GINS3: variants seen among roughly 807,000 people sequenced by gnomAD.
GINS3 encodes the protein GINS complex subunit 3.
GINS3 carries 18 observed loss-of-function variants against 20.0 expected under a neutral mutation model. The observed-to-expected ratio is 0.90, with a 90% CI of 0.62 to 1.33. The LOEUF is 1.33. Among genes scored for constraint, GINS3 ranks in the 40% most tolerant of loss-of-function variants. The probability of loss-of-function intolerance (pLI) is 0.00; values close to 1 mark genes in which losing one functional copy is unlikely to be tolerated. For missense variants in GINS3, 254 were observed against 273.6 expected (o/e 0.93, Z 0.51); for synonymous variants, 109 against 107.0 (o/e 1.02, Z -0.12).
intron 1 of GINS3, among the ~76,000 whole-genome samples, chr16:58,393,952 G>T (rs1402702285): frequency 6.6e-6 from 1 of 151,686 alleles, no homozygotes; most frequent in Admixed American, 6.6e-5. Context: ...TTTTTTAGTG[G>T]TGTCTTCAAG....
chr16:58,401,117 TTGGTCTCGC>T (rs905933310), intron 1 of GINS3, among the ~76,000 whole-genome samples: 17 of 152,114 alleles, frequency 1.1e-4, no homozygotes, highest in African/African-American at 3.9e-4. Context: ...AGGTGGGTTC[TTGGTCTCGC>T]TGGTCTCGCT....
intron 1 of GINS3, among the ~76,000 whole-genome samples, chr16:58,396,359 C>A (rs1256063281): frequency 7.8e-6 from 1 of 128,342 alleles, no homozygotes; most frequent in African/African-American, 3.2e-5. Flanking sequence ...CGCCCCTCAC[C>A]TCCCGGATGG....
At chr16:58,395,747 A>G (rs76608343) in intron 1 of GINS3, among the ~76,000 whole-genome samples, 128,049 of 152,086 alleles carry the variant, frequency 0.84, 54,249 homozygotes, top group Non-Finnish European at 0.9. Flanking sequence ...ACACAGACAC[A>G]GCAACCATCC....
At position 58,404,667 on chromosome 16, in the gene GINS3, A is replaced by C. The variant is rs1375648217; in HGVS notation, c.589A>C (p.Ile197Leu). The change falls in exon 3 of 3, where the codon ATC (isoleucine) becomes CTC (leucine). Residue 197 changes from isoleucine to leucine, a missense_variant. Physicochemically the swap from Ile to Leu is conservative, Grantham distance 5. Transcript: ENST00000318129. ...TTGGGAGAAGGGGCAGGCTTCTCAG[A>C]TCACAGCTTCCAACCTCGTTCAGAA... ...QCWEKGQASQ[I>L]TASNLVQNYK... 6.2e-7 allele frequency: 1 copy of C among 1,614,076 alleles called. No individual in the cohort carries two copies. Among genetic ancestry groups the C allele is most frequent in the Admixed American group, 1.7e-5 (1 of 59,996 alleles).
chr16:58,396,888 G>A (rs1441376536), intron 1 of GINS3, among the ~76,000 whole-genome samples: 2 of 147,534 alleles, frequency 1.4e-5, no homozygotes, highest in Non-Finnish European at 3.0e-5. Flanking sequence ...CCGGGCGGGG[G>A]GCTGACCCCC....
intron 1 of GINS3, among the ~76,000 whole-genome samples, chr16:58,395,946 T>C (rs1284460965): frequency 6.7e-6 from 1 of 149,214 alleles, no homozygotes; most frequent in African/African-American, 2.5e-5. Context: ...ACGGGGCGGC[T>C]GGCTGGGCGG....
chr16:58,396,362 C>T (rs2151492173), intron 1 of GINS3, among the ~76,000 whole-genome samples: 1 of 129,126 alleles, frequency 7.7e-6, no homozygotes, highest in East Asian at 2.5e-4. Flanking sequence ...CCCTCACCTC[C>T]CGGATGGGGC....
chr16:58,396,542 C>T (rs1215451077), intron 1 of GINS3, among the ~76,000 whole-genome samples: 1 of 19,958 alleles, frequency 5.0e-5, no homozygotes, highest in Non-Finnish European at 9.5e-5. Context: ...CCCTCCCGGA[C>T]GGGGCGGCTG....
chr16:58,395,540 G>T (rs1471124820), intron 1 of GINS3, among the ~76,000 whole-genome samples: 1 of 151,796 alleles, frequency 6.6e-6, no homozygotes, highest in Admixed American at 6.6e-5. Flanking sequence ...CTCTTAACGA[G>T]CATGCTGCCT....
At chr16:58,394,128 A>G (rs1345297284) in intron 1 of GINS3, among the ~76,000 whole-genome samples, 1 of 151,902 alleles carries the variant, frequency 6.6e-6, no homozygotes. Context: ...ATATTTCCTT[A>G]GTTTTTAGTT....
intron 1 of GINS3, among the ~76,000 whole-genome samples, chr16:58,396,105 C>G (rs1341668804): frequency 7.0e-6 from 1 of 142,680 alleles, no homozygotes; most frequent in East Asian, 2.2e-4. Flanking sequence ...CCCCACCTCC[C>G]TCCCGGACGG....
intron 1 of GINS3, among the ~76,000 whole-genome samples, chr16:58,396,916 G>A (rs1357082403): frequency 7.6e-5 from 11 of 145,664 alleles, no homozygotes; most frequent in East Asian, 6.3e-4. Flanking sequence ...CTTCCCGGAC[G>A]GGGCGGCTGG....
chr16:58,396,032 C>T (rs1388168339), intron 1 of GINS3, among the ~76,000 whole-genome samples: 6 of 146,840 alleles, frequency 4.1e-5, no homozygotes, highest in African/African-American at 1.0e-4. Context: ...CCAGTAGGGG[C>T]GGCCGGGCAG....
intron 1 of GINS3, among the ~76,000 whole-genome samples, chr16:58,401,030 G>A (rs566937549): frequency 3.3e-4 from 50 of 151,980 alleles, no homozygotes; most frequent in African/African-American, 9.2e-4. Flanking sequence ...GGTCAGGCCC[G>A]TCTCGAACCC....
intron 1 of GINS3, among the ~76,000 whole-genome samples, chr16:58,394,141 T>C (rs1386400844): frequency 6.6e-6 from 1 of 152,194 alleles, no homozygotes; most frequent in Non-Finnish European, 1.5e-5. Flanking sequence ...TTTTAGTTAA[T>C]GCCCTTTTTC....
At position 58,404,773 on chromosome 16, in the gene GINS3, C is replaced by A. The variant is rs185161702; in HGVS notation, c.*44C>A. On this transcript the variant is annotated 3_prime_UTR_variant, in exon 3 of 3. Coordinates refer to ENST00000318129, the MANE Select transcript of GINS3 (RefSeq NM_022770.4). Reference sequence around the variant, plus strand: ...ATGGCTCCTCACAGACGTATCCCTCCGTGTGTCCTTGATAGGAGCTGGTTG... The same window carrying A: ...ATGGCTCCTCACAGACGTATCCCTCAGTGTGTCCTTGATAGGAGCTGGTTG... 7.2e-7 allele frequency: 1 copy of A among 1,396,266 alleles called. No homozygotes were observed. The highest frequency in any genetic ancestry group is 1.8e-5 in the Admixed American group (1 of 54,978). The allele number at this position is 1,396,266 out of a possible 1,614,324, so 86.5% of individuals were successfully genotyped here.
At chr16:58,397,633 C>G (rs890235002) in intron 1 of GINS3, among the ~76,000 whole-genome samples, 2 of 152,110 alleles carry the variant, frequency 1.3e-5, no homozygotes, top group East Asian at 3.9e-4. Flanking sequence ...AGCGAAACCC[C>G]GTCTCCACCA....
intron 1 of GINS3, among the ~76,000 whole-genome samples, chr16:58,402,555 A>G (rs1284692012): frequency 4.6e-5 from 7 of 152,146 alleles, no homozygotes; most frequent in Non-Finnish European, 7.3e-5. Flanking sequence ...CTGGTCTGTC[A>G]TGACCACCTC....
At position 58,403,219 on chromosome 16, in the gene GINS3, A is replaced by T. The variant is rs1356355679; in HGVS notation, c.308A>T (p.Asp103Val). The change falls in exon 2 of 3, where the codon GAT becomes GTT. Residue 103 changes from aspartate (D) to valine (V), a missense_variant. Asp to Val is a radical substitution (Grantham distance 152). Coordinates refer to ENST00000318129, the MANE Select transcript of GINS3 (RefSeq NM_022770.4). The part of the protein sequence containing the change: ...QEGWRTVFSA[D>V]PNVVDLHKMG... ...GGTTGGAGGACTGTGTTCAGTGCAGATCCCAATGTGGTGGACCTCCACAAA... is the reference window on the plus strand; with the variant it reads ...GGTTGGAGGACTGTGTTCAGTGCAGTTCCCAATGTGGTGGACCTCCACAAA... 2 of 1,614,020 alleles carry T rather than the reference A, an allele frequency of 1.2e-6. No individual in the cohort carries two copies. The highest frequency in any genetic ancestry group is 2.7e-5 in the African/African-American group (2 of 74,922).
Sources: allele counts gnomAD v4.1 joint callset (sites outside exome capture counted in the v4.1 genomes callset), GRCh38; gene constraint gnomAD v4.1.1; transcripts MANE v1.5; gene names NCBI Gene and HGNC (gene_info 2026-07-23, HGNC 2026-07-21).